PUDP: variants seen among roughly 807,000 people sequenced by gnomAD.
PUDP encodes pseudouridine 5'-phosphatase.
In PUDP, 8 loss-of-function variants were observed where a neutral mutation model predicts 9.4. The ratio of observed to expected loss-of-function variants is 0.85; its 90% confidence interval spans 0.50 to 1.53. PUDP has a LOEUF of 1.53. Among genes scored for constraint, PUDP ranks in the 40% most tolerant of loss-of-function variants. The pLI is 0.00. For synonymous variants in PUDP, 99 were observed against 80.7 expected (o/e 1.23, Z -1.22); for missense variants, 188 against 189.7 (o/e 0.99, Z 0.05).
chrX:6,768,626 T>A lies in PUDP; in HGVS notation c.*248-62160A>T, dbSNP rs1384102852. On this transcript the variant is annotated intron_variant and NMD_transcript_variant, in intron 3 of 3. Coordinates refer to the PUDP transcript ENST00000655425. ...AGATCCATTCTGTGAAGAGGGAGAT[T>A]TGAAAAGAAAAAAAAATTAAAGTCT... is the stretch of plus-strand genomic sequence containing the variant. Among the ~76,000 whole-genome samples the A allele has an allele frequency of 1.9e-4, 21 of 111,786 alleles. No homozygotes were observed. In the Admixed American group the frequency reaches 1.9e-3, roughly 10 times the overall value.
intron 2 of PUDP, among the ~76,000 whole-genome samples, chrX:7,083,903 C>CAA (rs1172053109): frequency 1.1e-5 from 1 of 91,579 alleles, no homozygotes; most frequent in Non-Finnish European, 2.2e-5. Flanking sequence ...ACAACAACAA[C>CAA]AAAAAAAAAA....
intron 3 of PUDP, among the ~76,000 whole-genome samples, chrX:6,941,976 C>T (rs1204678005): frequency 9.0e-6 from 1 of 111,620 alleles, no homozygotes; most frequent in Admixed American, 9.6e-5. Flanking sequence ...GCATGTTCTC[C>T]CTTATATAAG....
intron 1 of PUDP, among the ~76,000 whole-genome samples, chrX:6,999,303 C>A (rs1929292383): frequency 9.0e-6 from 1 of 111,644 alleles, no homozygotes. Flanking sequence ...TACGTAAGCA[C>A]ATATGAAACA....
intron 2 of PUDP, among the ~76,000 whole-genome samples, chrX:7,092,779 C>T (rs1257940791): frequency 7.2e-5 from 8 of 111,667 alleles, no homozygotes; most frequent in African/African-American, 2.6e-4. Context: ...GTGCTTGGGG[C>T]GTATGAGAGA....
At chrX:7,014,833 T>C (rs1929525548) in intron 1 of PUDP, among the ~76,000 whole-genome samples, 1 of 111,954 alleles carries the variant, frequency 8.9e-6, no homozygotes, top group African/African-American at 3.3e-5. Flanking sequence ...TAACCCAACC[T>C]GGAGCCTTTA....
At chrX:6,821,688 T>C (rs762442302) in intron 3 of PUDP, among the ~76,000 whole-genome samples, 1 of 112,121 alleles carries the variant, frequency 8.9e-6, no homozygotes, top group South Asian at 3.7e-4. Flanking sequence ...CATAATTTCT[T>C]TTCTCACAAA....
At chrX:6,912,572 T>C (rs1300228117) in intron 3 of PUDP, among the ~76,000 whole-genome samples, 1 of 112,113 alleles carries the variant, frequency 8.9e-6, no homozygotes, top group African/African-American at 3.2e-5. Context: ...TCTAGCATGT[T>C]AGCAAAGCCA....
At chrX:6,908,695 A>T (rs1927804460) in intron 3 of PUDP, among the ~76,000 whole-genome samples, 1 of 111,157 alleles carries the variant, frequency 9.0e-6, no homozygotes, top group Non-Finnish European at 1.9e-5. Flanking sequence ...GACACCTGTA[A>T]CAGTAAAGAG....
At chrX:7,081,913 C>G (rs778136062) in intron 2 of PUDP, among the ~76,000 whole-genome samples, 9 of 112,919 alleles carry the variant, frequency 8.0e-5, no homozygotes, top group Non-Finnish European at 1.9e-5. Context: ...CGATCCTAAT[C>G]ACCTGATTCA....
chrX:6,746,955 G>C (rs1017606130), intron 3 of PUDP, among the ~76,000 whole-genome samples: 1 of 111,086 alleles, frequency 9.0e-6, no homozygotes, highest in African/African-American at 3.3e-5. Context: ...CTGGGTCAAA[G>C]ATATTTCTAG....
intron 3 of PUDP, among the ~76,000 whole-genome samples, chrX:6,922,278 G>C (rs1052208523): frequency 2.7e-5 from 3 of 111,961 alleles, no homozygotes; most frequent in Non-Finnish European, 5.6e-5. Context: ...TTGTAACTCA[G>C]AGGATAAATG....
chrX:6,834,366 T>C (rs1165555030), intron 3 of PUDP, among the ~76,000 whole-genome samples: 1 of 111,926 alleles, frequency 8.9e-6, no homozygotes, highest in African/African-American at 3.2e-5. Context: ...GCCTTGTCTG[T>C]GGACAGCCCT....
At chrX:6,901,885 T>C (rs1270354549) in intron 3 of PUDP, among the ~76,000 whole-genome samples, 1 of 111,742 alleles carries the variant, frequency 8.9e-6, no homozygotes, top group Non-Finnish European at 1.9e-5. Flanking sequence ...TGTTTGCTTG[T>C]TTTTTTCAGA....
intron 1 of PUDP, among the ~76,000 whole-genome samples, chrX:7,018,999 A>G (rs1019893488): frequency 1.8e-5 from 2 of 112,230 alleles, no homozygotes; most frequent in Non-Finnish European, 1.9e-5. Flanking sequence ...TATAGTAATT[A>G]AGAAAATTAA....
intron 2 of PUDP, among the ~76,000 whole-genome samples, chrX:7,083,138 T>C (rs763215965): frequency 1.5e-4 from 17 of 111,804 alleles, no homozygotes; most frequent in Non-Finnish European, 3.0e-4. Flanking sequence ...AGACTTCCAG[T>C]CTCCAGAACT....
rs184721669 is a variant in PUDP, at chrX:7,049,389, T to A, written c.*907A>T. ...GGCACTGAGACTCACCAAGCATACA[T>A]TCTGAAATCAAATTCTATTTCTATC... On this transcript the variant is annotated 3_prime_UTR_variant, in exon 4 of 4. Transcript: ENST00000381077. 2 of 112,804 alleles carry A rather than the reference T, an allele frequency of 1.8e-5. No homozygotes were observed. Among genetic ancestry groups the A allele is most frequent in the African/African-American group, 6.4e-5 (2 of 31,035 alleles). The allele number at this position is 112,804 out of a possible 1,213,427, so 9.3% of individuals were successfully genotyped here. A position where few individuals can be genotyped will look rare whatever the true frequency, so the allele number is the denominator to read the frequency against.
At chrX:7,146,483 C>G (rs1193827527) in intron 1 of PUDP, among the ~76,000 whole-genome samples, 1 of 111,204 alleles carries the variant, frequency 9.0e-6, no homozygotes, top group Non-Finnish European at 1.9e-5. Context: ...CAAACTATAC[C>G]TATGTATCCC....
intron 3 of PUDP, among the ~76,000 whole-genome samples, chrX:6,764,965 T>C (rs1304980870): frequency 1.8e-5 from 2 of 111,170 alleles, no homozygotes; most frequent in Admixed American, 9.6e-5. Context: ...TATCCCAATA[T>C]CAATTAAAGC....
intron 2 of PUDP, among the ~76,000 whole-genome samples, chrX:7,078,913 C>T (rs1930998890): frequency 8.9e-6 from 1 of 111,763 alleles, no homozygotes; most frequent in Admixed American, 9.5e-5. Flanking sequence ...TGCAAAGAAG[C>T]AAATACCACC....
Sources: gnomAD v4.1 joint callset for allele counts (sites outside exome capture counted in the v4.1 genomes callset) on GRCh38, gnomAD v4.1.1 for gene constraint, MANE v1.5 for transcripts, NCBI Gene and HGNC (gene_info 2026-07-23, HGNC 2026-07-21) for gene names.